Variants in SLC39A11 observed in about 807,000 individuals in gnomAD.
The protein encoded by SLC39A11 is zinc transporter ZIP11.
SLC39A11 carries 33 observed loss-of-function variants against 36.1 expected under a neutral mutation model. The ratio of observed to expected loss-of-function variants is 0.91; its 90% CI spans 0.69 to 1.22. The LOEUF (loss-of-function observed/expected upper bound fraction) is 1.22, where lower values mean the gene tolerates loss of function less well. SLC39A11 is among the 50% of genes most tolerant of loss of function. The pLI, the probability that SLC39A11 is intolerant of heterozygous loss-of-function variation, is 0.00. For missense variants in SLC39A11, 432 were observed against 430.3 expected (o/e 1.00, Z -0.03); for synonymous variants, 166 against 170.3 (o/e 0.97, Z 0.20).
chr17:72,781,403 GTTTCT>G (rs1273356900), intron 6 of SLC39A11, among the ~76,000 whole-genome samples: 30 of 149,790 alleles, frequency 2.0e-4, no homozygotes, highest in African/African-American at 7.4e-4. Flanking sequence ...GTCTTATTTT[GTTTCT>G]TTTGGTTTTT....
intron 7 of SLC39A11, among the ~76,000 whole-genome samples, chr17:72,724,624 G>C (rs1461444890): frequency 1.3e-5 from 2 of 152,108 alleles, no homozygotes; most frequent in African/African-American, 2.4e-5. Flanking sequence ...TCTGACTTGA[G>C]TCATCCCTGA....
intron 7 of SLC39A11, among the ~76,000 whole-genome samples, chr17:72,698,825 T>C (rs1598380574): frequency 6.6e-6 from 1 of 151,358 alleles, no homozygotes; most frequent in South Asian, 2.1e-4. Flanking sequence ...GGTGTGGAGG[T>C]TGGTTCTTTT....
At chr17:72,987,376 C>A (rs117728505) in intron 4 of SLC39A11, among the ~76,000 whole-genome samples, 4 of 152,336 alleles carry the variant, frequency 2.6e-5, no homozygotes, top group Non-Finnish European at 5.9e-5. Flanking sequence ...TGAAGTTTGT[C>A]TCTTATTAGG....
chr17:73,004,171 G>GAA (rs879589943), intron 4 of SLC39A11, among the ~76,000 whole-genome samples: 2,051 of 59,782 alleles, frequency 0.034, 56 homozygotes, highest in African/African-American at 0.084. Context: ...AAAAAAGAAA[G>GAA]AAAGAAAGAA....
intron 6 of SLC39A11, among the ~76,000 whole-genome samples, chr17:72,810,703 T>A (rs63717960): frequency 6.6e-6 from 1 of 151,968 alleles, no homozygotes; most frequent in South Asian, 2.1e-4. Flanking sequence ...TTTTTTTTTT[T>A]AAGACAAAGT....
intron 7 of SLC39A11, among the ~76,000 whole-genome samples, chr17:72,679,163 G>A: frequency 6.6e-6 from 1 of 152,194 alleles, no homozygotes; most frequent in Non-Finnish European, 1.5e-5. Context: ...AAGGGGTACA[G>A]TAAGAATACA....
At chr17:73,021,162 C>T (rs996248651) in intron 4 of SLC39A11, among the ~76,000 whole-genome samples, 2 of 152,116 alleles carry the variant, frequency 1.3e-5, no homozygotes, top group Non-Finnish European at 2.9e-5. Context: ...ATCAACACTA[C>T]CAGCACCACG....
intron 5 of SLC39A11, among the ~76,000 whole-genome samples, chr17:72,868,618 C>CAAAAA (rs71354894): frequency 0.016 from 919 of 56,446 alleles, 7 homozygotes; most frequent in Non-Finnish European, 0.021. Flanking sequence ...CCTGTCTCTA[C>CAAAAA]AAAAAAAAAA....
intron 4 of SLC39A11, among the ~76,000 whole-genome samples, chr17:73,022,717 T>C (rs2058394400): frequency 6.7e-6 from 1 of 150,096 alleles, no homozygotes; most frequent in South Asian, 2.1e-4. Flanking sequence ...AACATCTTCC[T>C]AAAAGTCACG....
At chr17:72,861,165 G>A (rs959333404) in intron 5 of SLC39A11, among the ~76,000 whole-genome samples, 28 of 152,122 alleles carry the variant, frequency 1.8e-4, no homozygotes, top group Non-Finnish European at 1.0e-4. Flanking sequence ...GATAAGATTT[G>A]GTGCAGAATT....
At chr17:72,717,846 G>A (rs1029363971) in intron 7 of SLC39A11, among the ~76,000 whole-genome samples, 5 of 152,098 alleles carry the variant, frequency 3.3e-5, no homozygotes, top group African/African-American at 7.2e-5. Flanking sequence ...CCTGCACATC[G>A]GCTGTCTAGG....
At chr17:73,075,764 A>T (rs2060298654) in intron 3 of SLC39A11, among the ~76,000 whole-genome samples, 1 of 152,066 alleles carries the variant, frequency 6.6e-6, no homozygotes, top group Admixed American at 6.6e-5. Context: ...GAGGCAGGAG[A>T]ATCACTTGAG....
At chr17:72,990,086 C>A (rs2089058765) in intron 4 of SLC39A11, among the ~76,000 whole-genome samples, 1 of 152,200 alleles carries the variant, frequency 6.6e-6, no homozygotes, top group African/African-American at 2.4e-5. Context: ...AATATTCCAT[C>A]TCAAAAGCAA....
chr17:72,899,208 G>C (rs761768970), intron 5 of SLC39A11, among the ~76,000 whole-genome samples: 1 of 151,928 alleles, frequency 6.6e-6, no homozygotes, highest in Admixed American at 6.6e-5. Flanking sequence ...CATTTCCCCA[G>C]CAGCAACCCC....
At chr17:72,942,461 T>C (rs1174392256) in intron 5 of SLC39A11, among the ~76,000 whole-genome samples, 1 of 152,124 alleles carries the variant, frequency 6.6e-6, no homozygotes, top group Non-Finnish European at 1.5e-5. Flanking sequence ...ATTAATAACA[T>C]CTCAGAGACT....
intron 4 of SLC39A11, among the ~76,000 whole-genome samples, chr17:72,980,588 TA>T (rs2088226028): frequency 6.6e-6 from 1 of 152,230 alleles, no homozygotes; most frequent in Non-Finnish European, 1.5e-5. Flanking sequence ...GCTGTAAGAA[TA>T]ACCAAGAAAC....
At chr17:73,062,108 G>T (rs2059859048) in intron 3 of SLC39A11, among the ~76,000 whole-genome samples, 1 of 152,018 alleles carries the variant, frequency 6.6e-6, no homozygotes, top group African/African-American at 2.4e-5. Flanking sequence ...TTACTAGGAT[G>T]GTTTGTAACC....
At chr17:72,727,787 G>A (rs955042911) in intron 7 of SLC39A11, among the ~76,000 whole-genome samples, 1 of 152,144 alleles carries the variant, frequency 6.6e-6, no homozygotes, top group Non-Finnish European at 1.5e-5. Flanking sequence ...AGCTGACCTG[G>A]CCAGGTAGGG....
intron 7 of SLC39A11, among the ~76,000 whole-genome samples, chr17:72,697,012 T>C (rs912141421): frequency 6.6e-6 from 1 of 152,256 alleles, no homozygotes; most frequent in African/African-American, 2.4e-5. Flanking sequence ...ATGTTCTTGT[T>C]TCTTTCTGCT....
Sources: gnomAD v4.1 joint callset for allele counts (sites outside exome capture counted in the v4.1 genomes callset) on GRCh38, gnomAD v4.1.1 for gene constraint, MANE v1.5 for transcripts, NCBI Gene and HGNC (gene_info 2026-07-23, HGNC 2026-07-21) for gene names.